CNTN2: variants seen among roughly 807,000 people sequenced by gnomAD.
CNTN2 encodes contactin 2.
Under a neutral mutation model 117.5 loss-of-function variants are expected in CNTN2, and 53 were observed. The ratio of observed to expected loss-of-function variants is 0.45; its 90% confidence interval spans 0.36 to 0.57. The LOEUF (loss-of-function observed/expected upper bound fraction) is 0.57. Among genes scored for constraint, CNTN2 ranks in the 20% least tolerant of loss-of-function variants. The pLI, the probability that CNTN2 is intolerant of heterozygous loss-of-function variation, is 0.00. For missense variants in CNTN2, 1,106 were observed against 1,404.3 expected (o/e 0.79, Z 3.39); for synonymous variants, 530 against 561.7 (o/e 0.94, Z 0.80).
In CNTN2 at chr1:205,061,052, C is replaced by T. The variant is rs1195955449; in HGVS notation, c.798-193C>T. Reference sequence around the variant, plus strand: ...TGGGTAGAGCAGCCCTGCCTCTTGCCCCTTCCCTGCGTGTGCTCCGAGCCT... The same window carrying T: ...TGGGTAGAGCAGCCCTGCCTCTTGCTCCTTCCCTGCGTGTGCTCCGAGCCT... On this transcript the variant is annotated intron_variant, in intron 7 of 22. Coordinates refer to ENST00000331830, the MANE Select transcript of CNTN2 (RefSeq NM_005076.5). The surrounding 1 kb of genome is among the most constrained non-coding windows in gnomAD (Gnocchi z 4.8). 2 of 602,804 alleles carry T rather than the reference C, an allele frequency of 3.3e-6. No homozygotes were observed. The highest frequency in any genetic ancestry group is 3.8e-5 in the African/African-American group (2 of 53,046). 37.3% of individuals were successfully genotyped at this position (602,804 alleles called of 1,614,324 possible). A position where few individuals can be genotyped will look rare whatever the true frequency, so the allele number is the denominator to read the frequency against.
chr1:205,073,696 A>G lies in CNTN2; in HGVS notation c.3054A>G (p.Ala1018=). 6.2e-7 allele frequency: 1 copy of G among 1,614,046 alleles called. No individual in the cohort carries two copies. The highest frequency in any genetic ancestry group is 1.1e-5 in the South Asian group (1 of 91,082). ...TGGAGAACATGGCAGTCCGCCCAGC[A>G]CCACACCCTGGCACCGTCATTTCCC... ...MMVENMAVRP[A]PHPGTVISHS... is the part of the protein sequence containing the mutation. The change falls in exon 23 of 23, where the codon GCA becomes GCG. Residue 1018 remains alanine (A), a synonymous_variant. Transcript: ENST00000331830. This position sits in a 1 kb window ranked among gnomAD's most constrained non-coding sequence, Gnocchi z 6.3.
At chr1:205,051,041 C>T (rs1323546254) in intron 1 of CNTN2, among the ~76,000 whole-genome samples, 1 of 152,218 alleles carries the variant, frequency 6.6e-6, no homozygotes, top group Non-Finnish European at 1.5e-5. Flanking sequence ...GTAACCCCAT[C>T]GTAAGTCAAG....
intron 2 of CNTN2, among the ~76,000 whole-genome samples, chr1:205,055,889 T>C (rs895890838): frequency 3.3e-5 from 5 of 152,344 alleles, no homozygotes; most frequent in African/African-American, 9.6e-5. Flanking sequence ...AGTCCGTCTA[T>C]AGCACCTATT....
At position 205,059,298 on chromosome 1, in the gene CNTN2, G is replaced by C; in HGVS notation, c.697+5G>C. 8 of 1,612,424 alleles carry C rather than the reference G, an allele frequency of 5.0e-6. No homozygotes were observed. Among genetic ancestry groups the C allele is most frequent in the Non-Finnish European group, 6.8e-6 (8 of 1,179,242 alleles). Reference sequence around the variant, plus strand: ...AGCTCAACCTGGCTGCTGAAGGTCAGGCTTGGCCAGGCGTGGCTGGAGGGA... The same window carrying C: ...AGCTCAACCTGGCTGCTGAAGGTCACGCTTGGCCAGGCGTGGCTGGAGGGA... On this transcript the variant is annotated splice_donor_5th_base_variant and intron_variant, in intron 6 of 22. Transcript: ENST00000331830. The surrounding 1 kb of genome is among the most constrained non-coding windows in gnomAD (Gnocchi z 5.6).
At position 205,065,270 on chromosome 1, in the gene CNTN2, C is replaced by A. The variant is rs1270941352; in HGVS notation, c.1695+8C>A. ...TACCGGAGAACTAATGTGGTGAGAC[C>A]TAGGGCCAGAGCCCCATGGCTTCTC... is the stretch of plus-strand genomic sequence containing the variant. On this transcript the variant is annotated splice_region_variant and intron_variant, in intron 13 of 22. Transcript: ENST00000331830. The surrounding 1 kb of genome is among the most constrained non-coding windows in gnomAD (Gnocchi z 4.1). The A allele has an allele frequency of 1.9e-6, 3 of 1,613,968 alleles. No homozygotes were observed. The highest frequency in any genetic ancestry group is 1.7e-6 in the Non-Finnish European group (2 of 1,179,914).
chr1:205,048,910 CGTGTGTGTGTGTGTGT>C lies in CNTN2; in HGVS notation c.-86-4155_-86-4140del, dbSNP rs4017875. Among the ~76,000 whole-genome samples, 1,481 of 127,870 alleles carry C rather than the reference CGTGTGTGTGTGTGTGT, an allele frequency of 0.012. 13 individuals are homozygous for C. The highest frequency in any genetic ancestry group is 0.023 in the African/African-American group (776 of 33,740). 83.9% of individuals were successfully genotyped at this position (127,870 alleles called of 152,430 possible). ...GCTCCAGCCTTTAGCCCAGACTCTG[CGTGTGTGTGTGTGTGT>C]GTGTGTGTGTGTGTGTGTGTGTGTG... On this transcript the variant is annotated intron_variant, in intron 1 of 22. Coordinates refer to ENST00000331830, the MANE Select transcript of CNTN2 (RefSeq NM_005076.5). The surrounding 1 kb of genome is among the most constrained non-coding windows in gnomAD (Gnocchi z 4.1).
chr1:205,056,988 G>C (rs1338589923), intron 2 of CNTN2, among the ~76,000 whole-genome samples: 1 of 152,128 alleles, frequency 6.6e-6, no homozygotes, highest in East Asian at 1.9e-4. Flanking sequence ...GACATTTCTT[G>C]AATTGTGATA....
In CNTN2 at chr1:205,058,550, C is replaced by T; in HGVS notation, c.392-18C>T. ...AGGCCAGGAGGACAGTGCCTGAGCC[C>T]CTGGTCTCTGCCTCCAGTTCTGCAG... On this transcript the variant is annotated intron_variant, in intron 4 of 22. Transcript: ENST00000331830. This position sits in a 1 kb window ranked among gnomAD's most constrained non-coding sequence, Gnocchi z 4.3. 6.2e-7 allele frequency: 1 copy of T among 1,612,314 alleles called. No homozygotes were observed. The highest frequency in any genetic ancestry group is 8.5e-7 in the Non-Finnish European group (1 of 1,179,032).
rs1279002956 is a variant in CNTN2, at chr1:205,074,956, G to C, written c.*1191G>C. On this transcript the variant is annotated 3_prime_UTR_variant, in exon 23 of 23. Transcript: ENST00000331830. ...GTTAATAAATGGGCCATCCTTTCCT[G>C]AGCTCTGGGTATACTACCAGTCACA... 1 of 398,424 alleles carries C rather than the reference G, an allele frequency of 2.5e-6. No individual in the cohort carries two copies. Among genetic ancestry groups the C allele is most frequent in the African/African-American group, 2.1e-5 (1 of 48,602 alleles). 24.7% of individuals were successfully genotyped at this position (398,424 alleles called of 1,614,324 possible). A position where few individuals can be genotyped will look rare whatever the true frequency, so the allele number is the denominator to read the frequency against.
chr1:205,046,976 T>C (rs2096442628), intron 1 of CNTN2, among the ~76,000 whole-genome samples: 1 of 152,024 alleles, frequency 6.6e-6, no homozygotes, highest in Non-Finnish European at 1.5e-5. Context: ...GACTCTAGGC[T>C]CAGATCAAGG....
rs1283857157 is a variant in CNTN2, at chr1:205,059,527, G to A, written c.698-56G>A. 2.3e-5 allele frequency: 35 copies of A among 1,517,692 alleles called. No homozygotes were observed. The highest frequency in any genetic ancestry group is 3.0e-5 in the Non-Finnish European group (33 of 1,092,554). 94.0% of individuals were successfully genotyped at this position (1,517,692 alleles called of 1,614,324 possible). A position where few individuals can be genotyped will look rare whatever the true frequency, so the allele number is the denominator to read the frequency against. On this transcript the variant is annotated intron_variant, in intron 6 of 22. Coordinates refer to ENST00000331830, the MANE Select transcript of CNTN2 (RefSeq NM_005076.5). This position sits in a 1 kb window ranked among gnomAD's most constrained non-coding sequence, Gnocchi z 5.6. ...TGAAAGGTGCTGAGATCCCATGCAC[G>A]GGAGCACCTGACCTGGAGTCATCTG...
intron 1 of CNTN2, among the ~76,000 whole-genome samples, chr1:205,049,052 C>T (rs2096447340): frequency 6.6e-6 from 1 of 151,756 alleles, no homozygotes; most frequent in African/African-American, 2.4e-5. Context: ...CCCAGGTGCT[C>T]CTGGATCCCA....
chr1:205,071,206 GCT>G (rs1412338268), intron 19 of CNTN2, among the ~76,000 whole-genome samples: 1 of 152,162 alleles, frequency 6.6e-6, no homozygotes, highest in Non-Finnish European at 1.5e-5. Flanking sequence ...AGCCTGAGCC[GCT>G]CTATGGACAG....
In CNTN2 at chr1:205,075,974, G is replaced by A. The variant is rs1000703068; in HGVS notation, c.*2209G>A. The A allele has an allele frequency of 3.9e-5, 6 of 152,202 alleles. No individual in the cohort carries two copies. Among genetic ancestry groups the A allele is most frequent in the Admixed American group, 3.3e-4 (5 of 15,278 alleles). The allele number at this position is 152,202 out of a possible 1,614,324, so 9.4% of individuals were successfully genotyped here. A position where few individuals can be genotyped will look rare whatever the true frequency, so the allele number is the denominator to read the frequency against. Reference sequence around the variant, plus strand: ...CTCGGGCTGCGTCAGGGGAAGCAGGGGACAGGTGTCCAGTTGCTGGGCCGA... The same window carrying A: ...CTCGGGCTGCGTCAGGGGAAGCAGGAGACAGGTGTCCAGTTGCTGGGCCGA... On this transcript the variant is annotated 3_prime_UTR_variant, in exon 23 of 23. Transcript: ENST00000331830.
Position 205,073,623 on chromosome 1 carries a change from A to T in CNTN2, c.3014-33A>T, listed in dbSNP as rs747870948. On this transcript the variant is annotated intron_variant, in intron 22 of 22. Transcript: ENST00000331830. This position sits in a 1 kb window ranked among gnomAD's most constrained non-coding sequence, Gnocchi z 6.3. ...ACAAGGGTGGGGCTAGGGTAGTCCCAGGCCCAGCTGACTCAGCTTGTGCTG... is the reference window on the plus strand; with the variant it reads ...ACAAGGGTGGGGCTAGGGTAGTCCCTGGCCCAGCTGACTCAGCTTGTGCTG... The T allele has an allele frequency of 6.3e-7, 1 of 1,591,440 alleles. No homozygotes were observed. Among genetic ancestry groups the T allele is most frequent in the South Asian group, 1.1e-5 (1 of 90,314 alleles).
Position 205,065,060 on chromosome 1 carries a change from A to C in CNTN2, c.1520-27A>C. 6.2e-7 allele frequency: 1 copy of C among 1,610,802 alleles called. No individual in the cohort carries two copies. The highest frequency in any genetic ancestry group is 8.5e-7 in the Non-Finnish European group (1 of 1,178,448). ...CCTGGGCCCATTTCCTCCCCCATCC[A>C]CCCAAGGGCCTTGTTTTTCTTGGCA... On this transcript the variant is annotated intron_variant, in intron 12 of 22. Transcript: ENST00000331830. The surrounding 1 kb of genome is among the most constrained non-coding windows in gnomAD (Gnocchi z 4.1).
chr1:205,066,727 G>A, intron 15 of CNTN2, 128 bp downstream of exon 15: 1 of 1,102,692 alleles, frequency 9.1e-7, no homozygotes, highest in Non-Finnish European at 1.3e-6. Context: ...AGAGGGACAA[G>A]ATCTGTCCTC....
rs376343938 is a variant in CNTN2 at position 205,067,162 on chromosome 1, G to A, written c.2037G>A (p.Met679Ile). 1.4e-4 allele frequency: 219 copies of A among 1,614,140 alleles called. No individual in the cohort carries two copies. Among genetic ancestry groups the A allele is most frequent in the South Asian group, 9.0e-4 (82 of 91,074 alleles). ...AGGTGCTGGGCCTCACCCCCTGGAT[G>A]GACTATGAGTTCCGGGTCATAGCCA... ...TAQVLGLTPW[M>I]DYEFRVIASN... Residue 679 changes from methionine to isoleucine, a missense_variant, in exon 16 of 23, where the codon ATG becomes ATA. Met to Ile is a conservative substitution (Grantham distance 10). Transcript: ENST00000331830.
chr1:205,045,870 GGTTAGAGA>G (rs1185512456), intron 1 of CNTN2, among the ~76,000 whole-genome samples: 3 of 152,180 alleles, frequency 2.0e-5, no homozygotes, highest in Non-Finnish European at 1.5e-5. Context: ...TCTGGTCCAA[GGTTAGAGA>G]GTCCTGCCTA....
Sources: gnomAD v4.1 joint callset for allele counts (sites outside exome capture counted in the v4.1 genomes callset) on GRCh38, gnomAD v4.1.1 for gene constraint, Gnocchi (gnomAD v3.1) non-coding constraint, MANE v1.5 for transcripts, NCBI Gene and HGNC (gene_info 2026-07-23, HGNC 2026-07-21) for gene names.